Variants in SLC25A33 observed in about 807,000 individuals in gnomAD.
SLC25A33 encodes solute carrier family 25 member 33.
In SLC25A33, 15 loss-of-function variants were observed where a neutral mutation model predicts 35.5. The observed-to-expected ratio is 0.42, with a 90% confidence interval of 0.28 to 0.65. The LOEUF is 0.65. Ranked by LOEUF, SLC25A33 falls within the 30% of genes least tolerant of loss-of-function variation. The pLI, the probability that SLC25A33 is intolerant of heterozygous loss-of-function variation, is 0.20. For missense variants in SLC25A33, 257 were observed against 398.5 expected, an observed-to-expected ratio of 0.64 and a Z score of 3.02; for synonymous variants, 136 against 148.7, an observed-to-expected ratio of 0.91 and a Z score of 0.62.
At chr1:9,564,744 A>G (rs927252456) in intron 2 of SLC25A33, among the ~76,000 whole-genome samples, 1 of 89,050 alleles carries the variant, frequency 1.1e-5, no homozygotes, top group African/African-American at 4.9e-5. Flanking sequence ...AAAAAAATAT[A>G]TATATATATA....
In SLC25A33 at chr1:9,540,087, C is replaced by T. The variant is rs181836000; in HGVS notation, c.56+340C>T. Among the ~76,000 whole-genome samples the T allele has an allele frequency of 5.2e-3, 787 of 152,208 alleles. 20 individuals carry two copies. The highest frequency in any genetic ancestry group is 0.033 in the Admixed American group (510 of 15,286). ...AGCCTGGACGCTGTGGCGCGGCCCC[C>T]CCTCCCCCGCCCCCTTCTCCTGGGG... On this transcript the variant is annotated intron_variant, in intron 1 of 6. Coordinates refer to ENST00000302692, the MANE Select transcript of SLC25A33 (RefSeq NM_032315.3).
intron 2 of SLC25A33, among the ~76,000 whole-genome samples, chr1:9,555,352 T>C (rs1348624793): frequency 6.6e-6 from 1 of 151,966 alleles, no homozygotes; most frequent in African/African-American, 2.4e-5. Context: ...TTTCCTGACC[T>C]CGTGATCCGC....
intron 1 of SLC25A33, 78 bp downstream of exon 1, chr1:9,539,825 T>A (rs982898555): frequency 4.9e-6 from 6 of 1,215,688 alleles, no homozygotes; most frequent in African/African-American, 1.6e-5. Flanking sequence ...GGCCCCAGCC[T>A]CCCGCGGCGG....
At chr1:9,552,079 T>A (rs1307322542) in intron 1 of SLC25A33, among the ~76,000 whole-genome samples, 1 of 152,220 alleles carries the variant, frequency 6.6e-6, no homozygotes, top group African/African-American at 2.4e-5. Flanking sequence ...AATATCTCGA[T>A]ATGAATATAA....
At chr1:9,566,252 G>T (rs1285420869) in intron 2 of SLC25A33, among the ~76,000 whole-genome samples, 1 of 151,982 alleles carries the variant, frequency 6.6e-6, no homozygotes, top group Non-Finnish European at 1.5e-5. Flanking sequence ...TGTTGCTCAG[G>T]CTGGTCTGGA....
rs569238096 is a variant in SLC25A33, at chr1:9,578,213, C to T, written c.483-1741C>T. Among the ~76,000 whole-genome samples the T allele has an allele frequency of 7.2e-5, 11 of 152,266 alleles. No individual in the cohort carries two copies. The highest frequency in any genetic ancestry group is 2.4e-4 in the African/African-American group (10 of 41,550). ...GAATACAGGTGTGAGCCACCGCACC[C>T]GGCCTCTGGATGGTTTTAAGCACGG... is the stretch of plus-strand genomic sequence containing the variant. On this transcript the variant is annotated intron_variant, in intron 5 of 6. Coordinates refer to ENST00000302692, the MANE Select transcript of SLC25A33 (RefSeq NM_032315.3). This position sits in a 1 kb window ranked among gnomAD's most constrained non-coding sequence, Gnocchi z 4.3.
chr1:9,562,950 G>A (rs1179597702), intron 2 of SLC25A33, among the ~76,000 whole-genome samples: 2 of 127,338 alleles, frequency 1.6e-5, no homozygotes, highest in South Asian at 2.4e-4. Flanking sequence ...GCAGAATCTC[G>A]CTCTGTCACC....
chr1:9,564,784 C>T (rs1383879015), intron 2 of SLC25A33, among the ~76,000 whole-genome samples: 1 of 129,814 alleles, frequency 7.7e-6, no homozygotes, highest in East Asian at 2.5e-4. Context: ...ATTAGCTGAG[C>T]GTGGTGGCAC....
chr1:9,549,552 G>A (rs888256850), intron 1 of SLC25A33, among the ~76,000 whole-genome samples: 1 of 152,036 alleles, frequency 6.6e-6, no homozygotes, highest in African/African-American at 2.4e-5. Context: ...CCAGTGTTGG[G>A]GCTCATAGTA....
intron 5 of SLC25A33, chr1:9,577,003 G>A (rs1342902373): frequency 4.8e-6 from 5 of 1,047,674 alleles, no homozygotes; most frequent in Middle Eastern, 3.2e-4. Flanking sequence ...GAGTTGTCCC[G>A]CTACAGAAAC....
chr1:9,581,960 G>A lies in SLC25A33; in HGVS notation c.764-339G>A, dbSNP rs183288329. ...TTTGAGACAGAGTCTTGCTTGCTCC[G>A]TGGCCCAGGCTGGAGTGTAGTGGCA... On this transcript the variant is annotated intron_variant, in intron 6 of 6. Transcript: ENST00000302692. 4.1e-3 allele frequency among the ~76,000 whole-genome samples: 625 copies of A among 152,052 alleles called. 8 individuals are homozygous for A. The highest frequency in any genetic ancestry group is 0.014 in the African/African-American group (598 of 41,464).
intron 3 of SLC25A33, among the ~76,000 whole-genome samples, chr1:9,569,307 T>C (rs1643555677): frequency 6.6e-6 from 1 of 152,082 alleles, no homozygotes; most frequent in African/African-American, 2.4e-5. Context: ...TTTTACTGCT[T>C]TTGTTCCTTT....
At chr1:9,546,165 C>T (rs1039973729) in intron 1 of SLC25A33, among the ~76,000 whole-genome samples, 8 of 148,388 alleles carry the variant, frequency 5.4e-5, no homozygotes, top group African/African-American at 2.0e-4. Context: ...GGGAATATCA[C>T]ACAGAGAAAT....
intron 3 of SLC25A33, among the ~76,000 whole-genome samples, chr1:9,568,113 C>T (rs1323731899): frequency 6.6e-6 from 1 of 152,174 alleles, no homozygotes; most frequent in East Asian, 1.9e-4. Context: ...GTAACAGAGA[C>T]AGATAGAGAA....
intron 2 of SLC25A33, among the ~76,000 whole-genome samples, chr1:9,564,733 A>AT (rs1220226066): frequency 1.4e-5 from 1 of 69,194 alleles, no homozygotes; most frequent in Non-Finnish European, 2.6e-5. Flanking sequence ...TTTAAAAAAA[A>AT]AAAAAAATAT....
intron 3 of SLC25A33, among the ~76,000 whole-genome samples, chr1:9,568,936 G>C (rs1643550280): frequency 6.6e-6 from 1 of 151,728 alleles, no homozygotes; most frequent in African/African-American, 2.4e-5. Flanking sequence ...AATTCTTCCA[G>C]ATCAGTGCTC....
At position 9,572,512 on chromosome 1, in the gene SLC25A33, G is replaced by A. The variant is rs573498725; in HGVS notation, c.416-834G>A. ...GGGCACCTGTAGTCCCAGCTGCTCGGGAGGCTGAGTCAGGTGAATGGCGTC... is the reference window on the plus strand; with the variant it reads ...GGGCACCTGTAGTCCCAGCTGCTCGAGAGGCTGAGTCAGGTGAATGGCGTC... On this transcript the variant is annotated intron_variant, in intron 4 of 6. Coordinates refer to ENST00000302692, the MANE Select transcript of SLC25A33 (RefSeq NM_032315.3). Among the ~76,000 whole-genome samples, 3 of 152,184 alleles carry A rather than the reference G, an allele frequency of 2.0e-5. No homozygotes were observed. In the South Asian group the frequency reaches 6.2e-4, roughly 32 times the overall value.
chr1:9,566,838 C>T (rs1184938531), intron 2 of SLC25A33, among the ~76,000 whole-genome samples: 1 of 150,112 alleles, frequency 6.7e-6, no homozygotes, highest in African/African-American at 2.5e-5. Flanking sequence ...AAGAGTGAAA[C>T]TCCGTCTAAA....
At chr1:9,543,233 T>C (rs914899191) in intron 1 of SLC25A33, among the ~76,000 whole-genome samples, 15 of 151,850 alleles carry the variant, frequency 9.9e-5, no homozygotes, top group African/African-American at 3.4e-4. Context: ...AACCTCTACC[T>C]CCTGGGTTCA....
Sources: gnomAD v4.1 joint callset for allele counts (sites outside exome capture counted in the v4.1 genomes callset) on GRCh38, gnomAD v4.1.1 for gene constraint, Gnocchi (gnomAD v3.1) non-coding constraint, MANE v1.5 for transcripts, NCBI Gene and HGNC (gene_info 2026-07-23, HGNC 2026-07-21) for gene names.